Variants in ASXL2 observed in about 807,000 individuals in gnomAD.
ASXL2 encodes the protein putative Polycomb group protein ASXL2.
In ASXL2, 23 loss-of-function variants were observed where a neutral mutation model predicts 122.0. That is an observed-to-expected ratio of 0.19 (90% CI 0.14 to 0.27). ASXL2 has a LOEUF of 0.27. ASXL2 is among the 10% of genes least tolerant of loss of function. The pLI, the probability that ASXL2 is intolerant of heterozygous loss-of-function variation, is 1.00. For synonymous variants in ASXL2, 650 were observed against 637.0 expected, an observed-to-expected ratio of 1.02 and a Z score of -0.31; for missense variants, 1,518 against 1,713.8, an observed-to-expected ratio of 0.89 and a Z score of 2.02.
chr2:25,838,720 G>A (rs79873113), intron 2 of ASXL2, among the ~76,000 whole-genome samples: 3,721 of 152,192 alleles, frequency 0.024, 133 homozygotes, highest in African/African-American at 0.078. Context: ...AAAGGAAAGC[G>A]CTTTTTTAAA....
chr2:25,810,690 C>T (rs2089154391), intron 3 of ASXL2: 1 of 691,348 alleles, frequency 1.4e-6, no homozygotes, highest in South Asian at 1.4e-5. Context: ...CACTCCAGAT[C>T]CTGCCTCCTC....
chr2:25,742,885 C>T lies in ASXL2; in HGVS notation c.3452G>A (p.Cys1151Tyr), dbSNP rs1262703079. 1 of 1,613,986 alleles carries T rather than the reference C, an allele frequency of 6.2e-7. No individual in the cohort carries two copies. The highest frequency in any genetic ancestry group is 2.2e-5 in the East Asian group (1 of 44,888). Reference protein sequence around the residue: ...THSVNPEDRFCLSSPTEALKM... With the variant: ...THSVNPEDRFYLSSPTEALKM... ...CAAGGCTTCAGTGGGGCTGCTTAGA[C>T]AAAAACGATCTTCAGGGTTTACAGA... Residue 1151 changes from cysteine to tyrosine, a missense_variant, in exon 13 of 13, where the codon TGT becomes TAT. Physicochemically the swap from Cys to Tyr is radical, Grantham distance 194 (BLOSUM62 -2). Around this residue, in one of 8 missense-constraint regions of ASXL2, gnomAD observed 831 missense variants for 833.1 expected, o/e 1.00. Transcript: ENST00000435504.
At chr2:25,817,863 A>C (rs545901814) in intron 3 of ASXL2, among the ~76,000 whole-genome samples, 1 of 152,332 alleles carries the variant, frequency 6.6e-6, no homozygotes, top group South Asian at 2.1e-4. Context: ...AATACAAAGA[A>C]GGGGATGCCT....
At chr2:25,834,665 T>C (rs1333626122) in intron 3 of ASXL2, among the ~76,000 whole-genome samples, 2 of 152,140 alleles carry the variant, frequency 1.3e-5, no homozygotes, top group East Asian at 1.9e-4. Flanking sequence ...AATACGACTG[T>C]TGCCCTCAGG....
At chr2:25,866,837 A>G (rs961249965) in intron 1 of ASXL2, among the ~76,000 whole-genome samples, 2 of 152,112 alleles carry the variant, frequency 1.3e-5, no homozygotes, top group African/African-American at 4.8e-5. Flanking sequence ...GGTTCAAGTG[A>G]TTCTCCTGCC....
In ASXL2 at chr2:25,744,486, G is replaced by T; in HGVS notation, c.1861-10C>A. On this transcript the variant is annotated splice_polypyrimidine_tract_variant and intron_variant, in intron 12 of 12. Coordinates refer to ENST00000435504, the MANE Select transcript of ASXL2 (RefSeq NM_018263.6). The surrounding 1 kb of genome is among the most constrained non-coding windows in gnomAD (Gnocchi z 4.7). The stretch of plus-strand genomic sequence containing the variant: ...TTCTGGAGACCGGGATCTGAAAGAA[G>T]TAGAGGGGAAAAAAACAACAGAGCT... 2 of 1,576,010 alleles carry T rather than the reference G, an allele frequency of 1.3e-6. No individual in the cohort carries two copies. The highest frequency in any genetic ancestry group is 2.3e-5 in the South Asian group (2 of 87,014).
intron 1 of ASXL2, among the ~76,000 whole-genome samples, chr2:25,864,958 A>C (rs1413314009): frequency 6.6e-6 from 1 of 151,560 alleles, no homozygotes; most frequent in Non-Finnish European, 1.5e-5. Context: ...CAGCCTCCCG[A>C]ATACAGGCGC....
At chr2:25,863,585 C>T (rs767727503) in intron 1 of ASXL2, among the ~76,000 whole-genome samples, 19 of 151,474 alleles carry the variant, frequency 1.3e-4, no homozygotes, top group South Asian at 4.1e-4. Flanking sequence ...CCCAGCTACT[C>T]GGGAGGCTAA....
chr2:25,854,806 C>T (rs1157121638), intron 1 of ASXL2, among the ~76,000 whole-genome samples: 4 of 152,182 alleles, frequency 2.6e-5, no homozygotes, highest in South Asian at 2.1e-4. Context: ...AATATTAATA[C>T]GGCCTTGGAA....
At position 25,872,120 on chromosome 2, in the gene ASXL2, C is replaced by T. The variant is rs566983325; in HGVS notation, c.57+6046G>A. ...CTACATAAATTAAAAATTAGCAGGG[C>T]ACAGTGGCTCACGCCTGTAATCCCA... On this transcript the variant is annotated intron_variant, in intron 1 of 12. Transcript: ENST00000435504. Among the ~76,000 whole-genome samples, 12 of 152,256 alleles carry T rather than the reference C, an allele frequency of 7.9e-5. No individual in the cohort carries two copies. In the South Asian group the frequency reaches 1.4e-3, roughly 18 times the overall value.
chr2:25,797,662 GA>G (rs1410744444), intron 5 of ASXL2, among the ~76,000 whole-genome samples: 1 of 152,100 alleles, frequency 6.6e-6, no homozygotes, highest in African/African-American at 2.4e-5. Flanking sequence ...TGTCATTAGG[GA>G]AATGCAAATT....
intron 1 of ASXL2, among the ~76,000 whole-genome samples, chr2:25,854,804 T>C (rs1574449784): frequency 6.6e-6 from 1 of 152,196 alleles, no homozygotes; most frequent in African/African-American, 2.4e-5. Flanking sequence ...TGAATATTAA[T>C]ACGGCCTTGG....
chr2:25,856,052 C>G (rs935683826), intron 1 of ASXL2, among the ~76,000 whole-genome samples: 6 of 151,194 alleles, frequency 4.0e-5, no homozygotes, highest in East Asian at 2.0e-4. Context: ...CACCACCATA[C>G]CTAATTTTTG....
At chr2:25,760,370 G>A (rs1329741106) in intron 8 of ASXL2, among the ~76,000 whole-genome samples, 1 of 151,658 alleles carries the variant, frequency 6.6e-6, no homozygotes, top group Non-Finnish European at 1.5e-5. Context: ...TTAAGTAGAT[G>A]CTAAAATATT....
At chr2:25,827,050 C>G (rs2149184363) in intron 3 of ASXL2, among the ~76,000 whole-genome samples, 1 of 146,946 alleles carries the variant, frequency 6.8e-6, no homozygotes, top group African/African-American at 2.5e-5. Flanking sequence ...GTTGCCCAAG[C>G]TAGTCTCAAA....
At position 25,779,084 on chromosome 2, in the gene ASXL2, ATTT is replaced by A. The variant is rs33911748; in HGVS notation, c.404-7547_404-7545del. Among the ~76,000 whole-genome samples, 929 of 99,384 alleles carry A rather than the reference ATTT, an allele frequency of 9.3e-3. 5 individuals carry two copies. The highest frequency in any genetic ancestry group is 0.019 in the Middle Eastern group (3 of 160). The allele number at this position is 99,384 out of a possible 152,430, so 65.2% of individuals were successfully genotyped here. A position where few individuals can be genotyped will look rare whatever the true frequency, so the allele number is the denominator to read the frequency against. On this transcript the variant is annotated intron_variant, in intron 5 of 12. Transcript: ENST00000435504. Reference sequence around the variant, plus strand: ...ATCACAGAGCTGTCACTTTTTTCTGATTTTTTTTTTTTTTTTTTTTTTTGAGAT... The same window carrying A: ...ATCACAGAGCTGTCACTTTTTTCTGATTTTTTTTTTTTTTTTTTTTGAGAT...
At chr2:25,779,314 T>C (rs2088596624) in intron 5 of ASXL2, among the ~76,000 whole-genome samples, 1 of 152,030 alleles carries the variant, frequency 6.6e-6, no homozygotes, top group Non-Finnish European at 1.5e-5. Context: ...GCCAGGCTGG[T>C]CTTGAACTCC....
At chr2:25,859,994 G>A (rs937783881) in intron 1 of ASXL2, among the ~76,000 whole-genome samples, 10 of 150,742 alleles carry the variant, frequency 6.6e-5, no homozygotes, top group African/African-American at 2.2e-4. Context: ...GACCAGCCTA[G>A]GCAACATAGC....
chr2:25,839,888 CTT>C (rs61637569), intron 2 of ASXL2, among the ~76,000 whole-genome samples: 1 of 136,486 alleles, frequency 7.3e-6, no homozygotes, highest in Non-Finnish European at 1.6e-5. Flanking sequence ...ACCATGTTTT[CTT>C]TTTTTTTTTT....
Sources: gnomAD v4.1 joint callset for allele counts (sites outside exome capture counted in the v4.1 genomes callset) on GRCh38, gnomAD v4.1.1 for gene constraint, gnomAD v4.1.1 regional missense constraint, Gnocchi (gnomAD v3.1) non-coding constraint, MANE v1.5 for transcripts, NCBI Gene and HGNC (gene_info 2026-07-23, HGNC 2026-07-21) for gene names.